DARS2: variants seen among roughly 807,000 people sequenced by gnomAD.
DARS2 encodes the protein aspartate--tRNA ligase, mitochondrial.
DARS2 carries 63 observed loss-of-function variants against 83.0 expected under a neutral mutation model. The ratio of observed to expected loss-of-function variants is 0.76; its 90% CI spans 0.62 to 0.94. DARS2 has a LOEUF of 0.94. Among genes scored for constraint, DARS2 ranks in the 40% least tolerant of loss-of-function variants. The probability of loss-of-function intolerance (pLI) is 0.00; values close to 1 mark genes in which losing one functional copy is unlikely to be tolerated. For missense variants in DARS2, 675 were observed against 774.4 expected (o/e 0.87, Z 1.52); for synonymous variants, 250 against 269.3 (o/e 0.93, Z 0.70).
At position 173,825,262 on chromosome 1, in the gene DARS2, C is replaced by T; in HGVS notation, c.33C>T (p.Tyr11=). 1.2e-6 allele frequency: 2 copies of T among 1,613,360 alleles called. No individual in the cohort carries two copies. The highest frequency in any genetic ancestry group is 2.2e-5 in the South Asian group (2 of 91,072). ...TCCCTTCTTGGTTAAGTCAGCTGTA[C>T]AGGGGTTTATCCAGACCCATCAGAA... MYFPSWLSQL[Y]RGLSRPIRRT... The change falls in exon 1 of 17, where the codon TAC becomes TAT. Residue 11 remains tyrosine, a synonymous_variant. Coordinates refer to ENST00000649689, the MANE Select transcript of DARS2 (RefSeq NM_018122.5).
At chr1:173,844,640 A>T (rs1653348051) in intron 11 of DARS2, among the ~76,000 whole-genome samples, 1 of 118,234 alleles carries the variant, frequency 8.5e-6, no homozygotes, top group African/African-American at 3.0e-5. Context: ...ACTGTACTCC[A>T]GCCTGGGTGA....
chr1:173,830,157 T>C (rs1652741132), intron 3 of DARS2, among the ~76,000 whole-genome samples: 1 of 152,248 alleles, frequency 6.6e-6, no homozygotes, highest in African/African-American at 2.4e-5. Flanking sequence ...AGTTGGTTTC[T>C]ATTGCAATTT....
At position 173,825,374 on chromosome 1, in the gene DARS2, A is replaced by T. The variant is rs774226609; in HGVS notation, c.127+18A>T. On this transcript the variant is annotated intron_variant, in intron 1 of 16. Transcript: ENST00000649689. ...AATTCCAGGTGAAAATAGCGAAGAGATCTATCCTATGAACAGTACTTCAGC... is the reference window on the plus strand; with the variant it reads ...AATTCCAGGTGAAAATAGCGAAGAGTTCTATCCTATGAACAGTACTTCAGC... 3 of 1,610,514 alleles carry T rather than the reference A, an allele frequency of 1.9e-6. No homozygotes were observed. The highest frequency in any genetic ancestry group is 2.5e-6 in the Non-Finnish European group (3 of 1,177,850).
In DARS2 at chr1:173,857,598, C is replaced by T. The variant is rs745356318; in HGVS notation, c.1831C>T (p.His611Tyr). The part of the protein sequence containing the change: ...VIAFPKSFRG[H>Y]DLMSNTPDSV... ...AGCCTTCCCAAAGTCCTTCCGGGGACATGACCTCATGAGCAATACCCCAGA... is the reference window on the plus strand; with the variant it reads ...AGCCTTCCCAAAGTCCTTCCGGGGATATGACCTCATGAGCAATACCCCAGA... The change falls in exon 17 of 17, where the codon CAT (histidine) becomes TAT (tyrosine). Residue 611 changes from histidine to tyrosine, a missense_variant. His to Tyr is a moderately conservative substitution (Grantham distance 83, BLOSUM62 2). Transcript: ENST00000649689. The T allele has an allele frequency of 2.5e-6, 4 of 1,614,056 alleles. No individual in the cohort carries two copies. The highest frequency in any genetic ancestry group is 3.4e-6 in the Non-Finnish European group (4 of 1,180,022).
rs751725767 is a variant in DARS2, at chr1:173,839,470, C to T, written c.944C>T (p.Pro315Leu). 1.9e-6 allele frequency: 3 copies of T among 1,614,132 alleles called. No homozygotes were observed. The highest frequency in any genetic ancestry group is 2.5e-6 in the Non-Finnish European group (3 of 1,180,016). ...AATGACAAAGATCCTGTGGTTGTTCCTTTTCCTACTATGACTTTTGCTGAG... is the reference window on the plus strand; with the variant it reads ...AATGACAAAGATCCTGTGGTTGTTCTTTTTCCTACTATGACTTTTGCTGAG... ...WPNDKDPVVV[P>L]FPTMTFAEVL... Residue 315 changes from proline (P) to leucine (L), a missense_variant, in exon 10 of 17, where the codon CCT becomes CTT. Physicochemically the swap from Pro to Leu is moderately conservative, Grantham distance 98 (BLOSUM62 -3). Transcript: ENST00000649689.
At chr1:173,849,911 G>A (rs542761340) in intron 12 of DARS2, among the ~76,000 whole-genome samples, 1 of 138,444 alleles carries the variant, frequency 7.2e-6, no homozygotes, top group East Asian at 2.2e-4. Flanking sequence ...AGGCTGGAGT[G>A]CAATGGCCCA....
In DARS2 at chr1:173,825,372, A is replaced by T; in HGVS notation, c.127+16A>T. 2 of 1,611,238 alleles carry T rather than the reference A, an allele frequency of 1.2e-6. No homozygotes were observed. The highest frequency in any genetic ancestry group is 1.7e-6 in the Non-Finnish European group (2 of 1,178,224). The stretch of plus-strand genomic sequence containing the variant: ...AGAATTCCAGGTGAAAATAGCGAAG[A>T]GATCTATCCTATGAACAGTACTTCA... On this transcript the variant is annotated intron_variant, in intron 1 of 16. Transcript: ENST00000649689.
At chr1:173,826,162 T>G (rs1010832694) in intron 1 of DARS2, among the ~76,000 whole-genome samples, 8 of 150,926 alleles carry the variant, frequency 5.3e-5, no homozygotes, top group African/African-American at 2.0e-4. Flanking sequence ...AGGCGGAGCT[T>G]GCAGTGAGCC....
rs1196303255 is a variant in DARS2, at chr1:173,838,236, G to A, written c.817G>A (p.Asp273Asn). ...RCYRDEGSRP[D>N]RQPEFTQIDI... ...TTATCGAGATGAAGGTTCAAGACCA[G>A]ACAGACAGCCTGAGTTTACTCAGGT... Residue 273 changes from aspartate (D) to asparagine (N), a missense_variant, in exon 9 of 17, where the codon GAC (aspartate) becomes AAC (asparagine). Coordinates refer to ENST00000649689, the MANE Select transcript of DARS2 (RefSeq NM_018122.5). 1.2e-6 allele frequency: 2 copies of A among 1,613,606 alleles called. No individual in the cohort carries two copies. Among genetic ancestry groups the A allele is most frequent in the African/African-American group, 2.7e-5 (2 of 74,908 alleles).
At position 173,831,379 on chromosome 1, in the gene DARS2, T is replaced by C. The variant is rs185047018; in HGVS notation, c.397-156T>C. ...CACATCAGCCACATATGCATAAGAA[T>C]GTCAAAATCATGCACAGACATGTAT... On this transcript the variant is annotated intron_variant, in intron 4 of 16. Coordinates refer to ENST00000649689, the MANE Select transcript of DARS2 (RefSeq NM_018122.5). 6.6e-5 allele frequency among the ~76,000 whole-genome samples: 10 copies of C among 152,330 alleles called. No homozygotes were observed. The East Asian group carries it at 1.7e-3, about 26-fold the overall frequency.
At chr1:173,843,158 A>C (rs1192192991) in intron 11 of DARS2, among the ~76,000 whole-genome samples, 4 of 152,128 alleles carry the variant, frequency 2.6e-5, no homozygotes, top group African/African-American at 9.7e-5. Flanking sequence ...ATAGTTAATG[A>C]TATGTGGCAT....
At chr1:173,832,875 C>T (rs544365100) in intron 5 of DARS2, among the ~76,000 whole-genome samples, 6 of 151,990 alleles carry the variant, frequency 3.9e-5, no homozygotes, top group African/African-American at 1.4e-4. Flanking sequence ...TTGTAGTCAG[C>T]GTCCCATTCA....
intron 3 of DARS2, among the ~76,000 whole-genome samples, chr1:173,829,204 A>AGTGT (rs10653648): frequency 0.077 from 11,354 of 148,382 alleles, 1,235 homozygotes; most frequent in African/African-American, 0.25. Context: ...ATATACATTC[A>AGTGT]GTGTGTGTGT....
chr1:173,838,308 G>A, intron 9 of DARS2, 49 bp downstream of exon 9: 8 of 1,414,174 alleles, frequency 5.7e-6, no homozygotes, highest in African/African-American at 1.4e-5. Context: ...TTACTATTTT[G>A]AAATAGTATT....
Position 173,838,367 on chromosome 1 carries a change from C to T in DARS2, c.840+108C>T, listed in dbSNP as rs542993104. ...ACTTTACTTCTCATTACATTTTATCCATCAGATATTTAATTAAACTCACCT... is the reference window on the plus strand; with the variant it reads ...ACTTTACTTCTCATTACATTTTATCTATCAGATATTTAATTAAACTCACCT... On this transcript the variant is annotated intron_variant, in intron 9 of 16. Coordinates refer to ENST00000649689, the MANE Select transcript of DARS2 (RefSeq NM_018122.5). 5.2e-5 allele frequency: 42 copies of T among 802,784 alleles called. 1 individual carries two copies. The South Asian group carries it at 6.2e-4, about 12-fold the overall frequency. 49.7% of individuals were successfully genotyped at this position (802,784 alleles called of 1,614,324 possible).
Position 173,838,234 on chromosome 1 carries a change from C to T in DARS2, c.815C>T (p.Pro272Leu), listed in dbSNP as rs761364929. Residue 272 changes from proline to leucine, a missense_variant, in exon 9 of 17, where the codon CCA (proline) becomes CTA (leucine). By Grantham distance (98) the Pro-to-Leu change is moderately conservative. Transcript: ENST00000649689. ...ARCYRDEGSRPDRQPEFTQID... is the reference protein window; with the variant it reads ...ARCYRDEGSRLDRQPEFTQID... ...TGTTATCGAGATGAAGGTTCAAGACCAGACAGACAGCCTGAGTTTACTCAG... is the reference window on the plus strand; with the variant it reads ...TGTTATCGAGATGAAGGTTCAAGACTAGACAGACAGCCTGAGTTTACTCAG... 1 of 1,613,558 alleles carries T rather than the reference C, an allele frequency of 6.2e-7. No homozygotes were observed. The highest frequency in any genetic ancestry group is 8.5e-7 in the Non-Finnish European group (1 of 1,179,592).
chr1:173,837,668 A>G (rs1165899652), intron 8 of DARS2, among the ~76,000 whole-genome samples: 1 of 152,250 alleles, frequency 6.6e-6, no homozygotes, highest in Non-Finnish European at 1.5e-5. Flanking sequence ...ATGAATATCC[A>G]GAGGTGCCAG....
intron 11 of DARS2, among the ~76,000 whole-genome samples, chr1:173,843,850 C>T (rs1653322289): frequency 1.3e-5 from 2 of 152,176 alleles, no homozygotes; most frequent in African/African-American, 4.8e-5. Context: ...GAGATTAGCT[C>T]CAAGACTAAC....
intron 1 of DARS2, among the ~76,000 whole-genome samples, chr1:173,825,733 T>C (rs1348075963): frequency 4.9e-4 from 74 of 151,040 alleles, no homozygotes; most frequent in Admixed American, 4.9e-3. Context: ...CCTCCCATAG[T>C]GCTGGGATTA....
Sources: allele counts gnomAD v4.1 joint callset (sites outside exome capture counted in the v4.1 genomes callset), GRCh38; gene constraint gnomAD v4.1.1; transcripts MANE v1.5; gene names NCBI Gene and HGNC (gene_info 2026-07-23, HGNC 2026-07-21).